Variants in TUT1 observed in about 807,000 individuals in gnomAD.
TUT1 encodes the protein terminal uridylyl transferase 1, U6 snRNA-specific.
Under a neutral mutation model 48.8 loss-of-function variants are expected in TUT1, and 26 were observed. That is an observed-to-expected ratio of 0.53 (90% CI 0.39 to 0.74). TUT1 has a LOEUF of 0.74. Ranked by LOEUF, TUT1 falls within the 30% of genes least tolerant of loss-of-function variation. The probability of loss-of-function intolerance (pLI) is 0.00; values close to 1 mark genes in which losing one functional copy is unlikely to be tolerated. For missense variants in TUT1, 1,065 were observed against 1,114.8 expected, an observed-to-expected ratio of 0.96 and a Z score of 0.64; for synonymous variants, 470 against 460.8, an observed-to-expected ratio of 1.02 and a Z score of -0.26.
chr11:62,590,636 C>CAA (rs533721845), intron 1 of TUT1, among the ~76,000 whole-genome samples: 4 of 66,398 alleles, frequency 6.0e-5, no homozygotes, highest in East Asian at 3.9e-4. Context: ...GACTCTGTCT[C>CAA]AAAAAAAAAA....
chr11:62,589,109 C>G lies in TUT1; in HGVS notation c.195G>C (p.Arg65Ser), dbSNP rs367940682. The change falls in exon 2 of 9, where the codon AGG becomes AGC. Residue 65 changes from arginine (R) to serine (S), a missense_variant. Arg to Ser is a moderately radical substitution (Grantham distance 110). Coordinates refer to ENST00000476907, the MANE Select transcript of TUT1 (RefSeq NM_022830.3). The stretch of plus-strand genomic sequence containing the variant: ...CAGAGAGCTGAGCAGAATCCACATC[C>G]CTGGGAAAGCCACTGACAAACACAC... The part of the protein sequence containing the change: ...LRSVFVSGFP[R>S]DVDSAQLSEY... 2 of 1,614,238 alleles carry G rather than the reference C, an allele frequency of 1.2e-6. No homozygotes were observed.
In TUT1 at chr11:62,576,115, C is replaced by G; in HGVS notation, c.1604G>C (p.Arg535Pro). ...GTCCTGGAGATTCAGGGGGCCAAGG[C>G]GCAGACCCTCCCAGAGATTAGAAGG... ...GLPSNLWEGL[R>P]LGPLNLQDPF... Residue 535 changes from arginine (R) to proline (P), a missense_variant, in exon 9 of 9, where the codon CGC becomes CCC. Coordinates refer to ENST00000476907, the MANE Select transcript of TUT1 (RefSeq NM_022830.3). 1 of 1,613,998 alleles carries G rather than the reference C, an allele frequency of 6.2e-7. No individual in the cohort carries two copies. Among genetic ancestry groups the G allele is most frequent in the Non-Finnish European group, 8.5e-7 (1 of 1,180,022 alleles).
rs763511053 is a variant in TUT1, at chr11:62,575,384, G to A, written c.2335C>T (p.Arg779Trp). Residue 779 changes from arginine (R) to tryptophan (W), a missense_variant, in exon 9 of 9, where the codon CGG becomes TGG. By Grantham distance (101) the Arg-to-Trp change is moderately radical (BLOSUM62 -3). Transcript: ENST00000476907. ...ALWHRVWQGRRRARRRLQQQT... is the reference protein window; with the variant it reads ...ALWHRVWQGRWRARRRLQQQT... The stretch of plus-strand genomic sequence containing the variant: ...TGCTGCAAGCGTCTACGGGCTCGCC[G>A]CCGCCCTTGCCACACTCGGTGCCAC... The A allele has an allele frequency of 3.1e-6, 5 of 1,612,516 alleles. No homozygotes were observed. Among genetic ancestry groups the A allele is most frequent in the South Asian group, 1.1e-5 (1 of 91,082 alleles).
chr11:62,578,284 C>T (rs906800773), intron 5 of TUT1, among the ~76,000 whole-genome samples: 2 of 152,022 alleles, frequency 1.3e-5, no homozygotes, highest in African/African-American at 4.8e-5. Context: ...TGGTGCCTCA[C>T]GCCTGTAGTC....
chr11:62,576,251 G>T lies in TUT1; in HGVS notation c.1475-7C>A. Reference sequence around the variant, plus strand: ...AACTGGGCTAGCAGGGAACCTGGAGGAGGAGGAAGAGTGGGGAAAGGGGGG... The same window carrying T: ...AACTGGGCTAGCAGGGAACCTGGAGTAGGAGGAAGAGTGGGGAAAGGGGGG... On this transcript the variant is annotated splice_region_variant and splice_polypyrimidine_tract_variant and intron_variant, in intron 8 of 8. Coordinates refer to ENST00000476907, the MANE Select transcript of TUT1 (RefSeq NM_022830.3). 1.3e-6 allele frequency: 2 copies of T among 1,553,816 alleles called. No homozygotes were observed. The highest frequency in any genetic ancestry group is 1.7e-6 in the Non-Finnish European group (2 of 1,151,582).
At chr11:62,579,801 G>T (rs2134306870) in intron 4 of TUT1, among the ~76,000 whole-genome samples, 1 of 151,906 alleles carries the variant, frequency 6.6e-6, no homozygotes, top group East Asian at 1.9e-4. Context: ...GAGTAGCTGG[G>T]ATTACAGGTA....
At chr11:62,586,655 C>T (rs1461708968) in intron 2 of TUT1, among the ~76,000 whole-genome samples, 1 of 152,004 alleles carries the variant, frequency 6.6e-6, no homozygotes, top group East Asian at 2.0e-4. Context: ...GTAGTTCACA[C>T]CTGTAATCCC....
intron 4 of TUT1, 73 bp downstream of exon 4, chr11:62,581,033 A>T (rs1941815778): frequency 8.6e-7 from 1 of 1,168,136 alleles, no homozygotes; most frequent in African/African-American, 1.5e-5. Context: ...ATGGAGAGCT[A>T]AAGGACTTGC....
At position 62,575,431 on chromosome 11, in the gene TUT1, G is replaced by A. The variant is rs2134301592; in HGVS notation, c.2288C>T (p.Ser763Leu). Residue 763 changes from serine (S) to leucine (L), a missense_variant, in exon 9 of 9, where the codon TCA becomes TTA. Transcript: ENST00000476907. ...EAGKGASLPS[S>L]ASWRCALWHR... The stretch of plus-strand genomic sequence containing the variant: ...CCACAAGGCACAGCGCCAGCTCGCT[G>A]AGGAGGGCAGGGATGCCCCCTTCCC... The A allele has an allele frequency of 1.2e-6, 2 of 1,611,290 alleles. No homozygotes were observed. Among genetic ancestry groups the A allele is most frequent in the East Asian group, 2.2e-5 (1 of 44,870 alleles).
rs1316304477 is a variant in TUT1 at position 62,575,869 on chromosome 11, G to T, written c.1850C>A (p.Thr617Asn). The T allele has an allele frequency of 6.2e-7, 1 of 1,614,096 alleles. No homozygotes were observed. The highest frequency in any genetic ancestry group is 8.5e-7 in the Non-Finnish European group (1 of 1,180,022). The change falls in exon 9 of 9, where the codon ACC becomes AAC. Residue 617 changes from threonine (T) to asparagine (N), a missense_variant. Coordinates refer to ENST00000476907, the MANE Select transcript of TUT1 (RefSeq NM_022830.3). ...CTGCACCAGGGCAGCAGTGAGCTGGGTGAAGGGTGCAAGGGGTAAAGGGAT... is the reference window on the plus strand; with the variant it reads ...CTGCACCAGGGCAGCAGTGAGCTGGTTGAAGGGTGCAAGGGGTAAAGGGAT... ...TPIPLPLAPFTQLTAALVQVF... is the reference protein window; with the variant it reads ...TPIPLPLAPFNQLTAALVQVF...
chr11:62,589,701 G>A (rs559005329), intron 1 of TUT1, among the ~76,000 whole-genome samples: 88 of 152,354 alleles, frequency 5.8e-4, no homozygotes, highest in African/African-American at 2.1e-3. Flanking sequence ...GCTAGGTAGA[G>A]TTGGAAACAA....
intron 4 of TUT1, among the ~76,000 whole-genome samples, chr11:62,579,663 ATT>A (rs35468652): frequency 5.9e-4 from 76 of 128,198 alleles, no homozygotes; most frequent in African/African-American, 1.9e-3. Flanking sequence ...AATAAAGTCC[ATT>A]TTTTTTTTTT....
intron 7 of TUT1, 54 bp from the exon 8 acceptor site, chr11:62,576,803 G>A (rs1239010286): frequency 1.1e-5 from 18 of 1,600,098 alleles, no homozygotes; most frequent in African/African-American, 6.7e-5. Context: ...ATTGAGGGTG[G>A]GGGTAGAGAG....
chr11:62,582,539 T>A (rs1291374574), intron 2 of TUT1: 1 of 447,866 alleles, frequency 2.2e-6, no homozygotes, highest in South Asian at 1.6e-5. Flanking sequence ...GAGGCTGCAG[T>A]GAGCTGTGAT....
At chr11:62,583,957 T>TA in intron 2 of TUT1, among the ~76,000 whole-genome samples, 1 of 152,194 alleles carries the variant, frequency 6.6e-6, no homozygotes, top group Admixed American at 6.5e-5. Context: ...ACACCATACA[T>TA]AACAATTAAC....
At position 62,576,007 on chromosome 11, in the gene TUT1, G is replaced by C. The variant is rs763400391; in HGVS notation, c.1712C>G (p.Ala571Gly). Reference sequence around the variant, plus strand: ...GTACTGGAGGCTTCGGCAGTAATTGGCTGCTGCTCGGCAGCAGTTCTGTAG... The same window carrying C: ...GTACTGGAGGCTTCGGCAGTAATTGCCTGCTGCTCGGCAGCAGTTCTGTAG... ...GRLQNCCRAA[A>G]NYCRSLQYQR... Residue 571 changes from alanine to glycine, a missense_variant, in exon 9 of 9, where the codon GCC (alanine) becomes GGC (glycine). Coordinates refer to ENST00000476907, the MANE Select transcript of TUT1 (RefSeq NM_022830.3). 6.2e-7 allele frequency: 1 copy of C among 1,613,662 alleles called. No individual in the cohort carries two copies. Among genetic ancestry groups the C allele is most frequent in the African/African-American group, 1.3e-5 (1 of 74,948 alleles).
intron 5 of TUT1, among the ~76,000 whole-genome samples, chr11:62,577,700 G>A (rs927932681): frequency 3.3e-5 from 5 of 152,134 alleles, no homozygotes; most frequent in African/African-American, 1.2e-4. Flanking sequence ...AGGAAATGGA[G>A]AAACCTTTTT....
rs773411861 is a variant in TUT1, at chr11:62,577,260, G to A, written c.1192C>T (p.Leu398Phe). The A allele has an allele frequency of 1.2e-6, 2 of 1,612,944 alleles. No homozygotes were observed. Among genetic ancestry groups the A allele is most frequent in the Non-Finnish European group, 1.7e-6 (2 of 1,179,696 alleles). The change falls in exon 6 of 9, where the codon CTC becomes TTC. Residue 398 changes from leucine (L) to phenylalanine (F), a missense_variant. Physicochemically the swap from Leu to Phe is conservative, Grantham distance 22 (BLOSUM62 0). Coordinates refer to ENST00000476907, the MANE Select transcript of TUT1 (RefSeq NM_022830.3). ...ACTCGACCATCCAGCTCAGAGCAGA[G>A]ACTCAGGAAACGGGAGTTATGCAGG... ...LALHNSRFLSLCSELDGRVRP... is the reference protein window; with the variant it reads ...LALHNSRFLSFCSELDGRVRP...
intron 7 of TUT1, 22 bp downstream of exon 7, chr11:62,576,885 G>T: frequency 6.2e-7 from 1 of 1,608,494 alleles, no homozygotes; most frequent in South Asian, 1.1e-5. Flanking sequence ...AAGATGGAGA[G>T]GGTGGAGGCT....
Sources: gnomAD v4.1 joint callset for allele counts (sites outside exome capture counted in the v4.1 genomes callset) on GRCh38, gnomAD v4.1.1 for gene constraint, MANE v1.5 for transcripts, NCBI Gene and HGNC (gene_info 2026-07-23, HGNC 2026-07-21) for gene names.